Variants in PTPRD observed in about 807,000 individuals in gnomAD.
The protein encoded by PTPRD is receptor-type tyrosine-protein phosphatase delta.
A neutral mutation model predicts 214.5 loss-of-function variants in PTPRD; 34 were observed. That is an observed-to-expected ratio of 0.16 (90% confidence interval 0.12 to 0.21). The LOEUF (loss-of-function observed/expected upper bound fraction) is 0.21. Among genes scored for constraint, PTPRD ranks in the 10% least tolerant of loss-of-function variants. The pLI is 1.00. For synonymous variants in PTPRD, 1,128 were observed against 845.7 expected (o/e 1.33, Z -5.79); for missense variants, 2,545 against 2,398.7 (o/e 1.06, Z -1.27).
chr9:9,425,606 G>A lies in PTPRD; in HGVS notation c.-236-28124C>T, dbSNP rs62532950. Reference sequence around the variant, plus strand: ...AGGCTGACACAATGTGGAAAGCAGCGTAAGATCACAGGTACAGAGAAAAGA... The same window carrying A: ...AGGCTGACACAATGTGGAAAGCAGCATAAGATCACAGGTACAGAGAAAAGA... On this transcript the variant is annotated intron_variant, in intron 8 of 45. Coordinates refer to ENST00000381196, the MANE Select transcript of PTPRD (RefSeq NM_002839.4). Among the ~76,000 whole-genome samples the A allele has an allele frequency of 3.4e-3, 517 of 151,210 alleles. 3 individuals are homozygous for A. Among genetic ancestry groups the A allele is most frequent in the African/African-American group, 0.01 (420 of 41,264 alleles).
chr9:8,577,380 C>T (rs906064727), intron 14 of PTPRD, among the ~76,000 whole-genome samples: 2 of 152,078 alleles, frequency 1.3e-5, no homozygotes, highest in Admixed American at 1.3e-4. Context: ...CTCAGCCTCC[C>T]GAGTAGCTGG....
chr9:8,988,237 TA>T (rs369670340), intron 11 of PTPRD, among the ~76,000 whole-genome samples: 40 of 152,174 alleles, frequency 2.6e-4, no homozygotes, highest in African/African-American at 8.9e-4. Context: ...AGTAAAGGCA[TA>T]AAAAACCCAA....
rs2132531138 is a variant in PTPRD, at chr9:8,341,973, C to A, written c.4667G>T (p.Gly1556Val). The change falls in exon 40 of 46, where the codon GGA (glycine) becomes GTA (valine). Residue 1556 changes from glycine (G) to valine (V), a missense_variant. By Grantham distance (109) the Gly-to-Val change is moderately radical. Coordinates refer to ENST00000381196, the MANE Select transcript of PTPRD (RefSeq NM_002839.4). ...GATGAAGCAACCAGTCCGGCCAACT[C>A]CCGCACTATGAGGAAAATAGAGAAG... ...AGPMVVHCSA[G>V]VGRTGCFIVI... 9.4e-6 allele frequency: 15 copies of A among 1,602,496 alleles called. No homozygotes were observed. Among genetic ancestry groups the A allele is most frequent in the Non-Finnish European group, 1.3e-5 (15 of 1,174,952 alleles).
At chr9:9,599,843 T>A (rs570928148) in intron 7 of PTPRD, among the ~76,000 whole-genome samples, 1 of 152,002 alleles carries the variant, frequency 6.6e-6, no homozygotes, top group Non-Finnish European at 1.5e-5. Flanking sequence ...TAGTTATTAG[T>A]CAAATAAAGA....
chr9:8,607,537 G>C (rs1280402322), intron 14 of PTPRD, among the ~76,000 whole-genome samples: 2 of 152,156 alleles, frequency 1.3e-5, no homozygotes, highest in African/African-American at 4.8e-5. Context: ...CAGCTGCTCA[G>C]GAGGCTGAGG....
intron 10 of PTPRD, among the ~76,000 whole-genome samples, chr9:9,036,309 A>C (rs928308846): frequency 6.6e-6 from 1 of 152,102 alleles, no homozygotes; most frequent in Non-Finnish European, 1.5e-5. Flanking sequence ...TAAGTAGAGG[A>C]AGAATTTAAG....
chr9:9,905,485 A>C (rs1252210531), intron 5 of PTPRD, among the ~76,000 whole-genome samples: 1 of 151,946 alleles, frequency 6.6e-6, no homozygotes, highest in Non-Finnish European at 1.5e-5. Flanking sequence ...ACTTGGCTCT[A>C]CATACCTATA....
chr9:8,687,741 GT>G (rs34897285), intron 12 of PTPRD, among the ~76,000 whole-genome samples: 4,553 of 145,944 alleles, frequency 0.031, 149 homozygotes, highest in African/African-American at 0.079. Context: ...TAAAATAAGA[GT>G]TTTTTTTTTT....
intron 8 of PTPRD, among the ~76,000 whole-genome samples, chr9:9,504,498 C>G (rs1346449741): frequency 6.6e-6 from 1 of 151,606 alleles, no homozygotes; most frequent in African/African-American, 2.4e-5. Context: ...GTTAAAGAAA[C>G]TCACTTCAGC....
At chr9:10,380,701 C>T (rs1039528317) in intron 2 of PTPRD, among the ~76,000 whole-genome samples, 4 of 152,056 alleles carry the variant, frequency 2.6e-5, no homozygotes, top group Admixed American at 6.6e-5. Flanking sequence ...TTGTGAAAAA[C>T]GTTTGTAAAT....
chr9:8,973,996 T>C (rs2099254055), intron 11 of PTPRD, among the ~76,000 whole-genome samples: 1 of 152,106 alleles, frequency 6.6e-6, no homozygotes, highest in Admixed American at 6.6e-5. Flanking sequence ...TGTTCTCCCA[T>C]ACTGTAGGTG....
chr9:10,064,901 A>C (rs1264376310), intron 3 of PTPRD, among the ~76,000 whole-genome samples: 1 of 152,042 alleles, frequency 6.6e-6, no homozygotes. Context: ...AGTGTCTTAC[A>C]TATTAAAGGA....
intron 2 of PTPRD, among the ~76,000 whole-genome samples, chr9:10,598,863 G>T (rs2077282205): frequency 6.6e-6 from 1 of 151,444 alleles, no homozygotes. Context: ...GGAAGAGAAA[G>T]AATGTATGAC....
intron 5 of PTPRD, among the ~76,000 whole-genome samples, chr9:9,920,504 G>T (rs1229214872): frequency 6.6e-6 from 1 of 152,116 alleles, no homozygotes; most frequent in Non-Finnish European, 1.5e-5. Flanking sequence ...ATGATGGAGG[G>T]CAAATTGTTT....
intron 3 of PTPRD, among the ~76,000 whole-genome samples, chr9:10,162,060 T>C (rs2099130407): frequency 6.6e-6 from 1 of 151,612 alleles, no homozygotes; most frequent in South Asian, 2.1e-4. Context: ...AGTGAGGATG[T>C]GGAGAAAGGG....
At chr9:8,520,368 G>A (rs778499026) in intron 20 of PTPRD, among the ~76,000 whole-genome samples, 2 of 151,996 alleles carry the variant, frequency 1.3e-5, no homozygotes, top group Admixed American at 1.3e-4. Context: ...TTAGAGATGC[G>A]ATACCAATTA....
chr9:9,378,300 C>T (rs75578225), intron 9 of PTPRD, among the ~76,000 whole-genome samples: 2,764 of 152,084 alleles, frequency 0.018, 92 homozygotes, highest in African/African-American at 0.063. Flanking sequence ...TTCAGATGGC[C>T]TTTTTTTCAC....
intron 11 of PTPRD, among the ~76,000 whole-genome samples, chr9:8,983,041 T>C (rs1043155284): frequency 4.6e-5 from 7 of 152,096 alleles, no homozygotes; most frequent in African/African-American, 1.4e-4. Flanking sequence ...TTTAATGTAC[T>C]GTGGAAAAAA....
intron 7 of PTPRD, among the ~76,000 whole-genome samples, chr9:9,642,409 G>A (rs1209857848): frequency 6.6e-6 from 1 of 151,398 alleles, no homozygotes; most frequent in African/African-American, 2.4e-5. Flanking sequence ...AAAACTTAAA[G>A]TATAATAAAA....
Sources: gnomAD v4.1 joint callset for allele counts (sites outside exome capture counted in the v4.1 genomes callset) on GRCh38, gnomAD v4.1.1 for gene constraint, MANE v1.5 for transcripts, NCBI Gene and HGNC (gene_info 2026-07-23, HGNC 2026-07-21) for gene names.